WWOX: variants seen among roughly 807,000 people sequenced by gnomAD.
WWOX encodes the protein WW domain containing oxidoreductase.
WWOX carries 69 observed loss-of-function variants against 46.2 expected under a neutral mutation model. The observed-to-expected ratio is 1.49, with a 90% CI of 1.23 to 1.82. The LOEUF (loss-of-function observed/expected upper bound fraction) is 1.82, where lower values mean the gene tolerates loss of function less well. WWOX is among the 40% of genes most tolerant of loss of function. The pLI is 0.00. For missense variants in WWOX, 919 were observed against 542.6 expected, an observed-to-expected ratio of 1.69 and a Z score of -6.89; for synonymous variants, 359 against 202.6, an observed-to-expected ratio of 1.77 and a Z score of -6.56.
intron 8 of WWOX, among the ~76,000 whole-genome samples, chr16:79,026,233 C>T (rs556993123): frequency 6.6e-6 from 1 of 151,874 alleles, no homozygotes. Context: ...CCTGTTGACA[C>T]TTCCCTTCTC....
intron 8 of WWOX, among the ~76,000 whole-genome samples, chr16:78,943,185 G>A (rs1192865931): frequency 6.6e-6 from 1 of 151,830 alleles, no homozygotes; most frequent in African/African-American, 2.4e-5. Flanking sequence ...TCTATATGAT[G>A]TACATTTCAT....
Position 78,345,143 on chromosome 16 carries a change from G to A in WWOX, c.517-41717G>A, listed in dbSNP as rs1478620998. Among the ~76,000 whole-genome samples, 4 of 118,166 alleles carry A rather than the reference G, an allele frequency of 3.4e-5. 2 individuals are homozygous for A. The highest frequency in any genetic ancestry group is 1.7e-4 in the Admixed American group (2 of 11,938). 77.5% of individuals were successfully genotyped at this position (118,166 alleles called of 152,430 possible). A position where few individuals can be genotyped will look rare whatever the true frequency, so the allele number is the denominator to read the frequency against. On this transcript the variant is annotated intron_variant, in intron 5 of 8. Transcript: ENST00000566780. ...GTGGTACTAGTATGACTGTCAAGTC[G>A]ATCAGGTGGCTGAGGAGCAGTACAT...
intron 8 of WWOX, among the ~76,000 whole-genome samples, chr16:78,866,608 C>G (rs999058974): frequency 9.2e-5 from 14 of 152,178 alleles, no homozygotes; most frequent in African/African-American, 2.9e-4. Context: ...CACCAAGGCA[C>G]TGGTGCATCC....
intron 8 of WWOX, among the ~76,000 whole-genome samples, chr16:78,928,337 G>T (rs559079012): frequency 1.0e-3 from 158 of 151,410 alleles, no homozygotes; most frequent in African/African-American, 3.7e-3. Context: ...CGAGTAGCTG[G>T]GACTACAGGC....
At chr16:79,019,681 C>G (rs957697301) in intron 8 of WWOX, among the ~76,000 whole-genome samples, 5 of 151,870 alleles carry the variant, frequency 3.3e-5, no homozygotes, top group African/African-American at 1.2e-4. Flanking sequence ...CAACCCCGGG[C>G]TCTCTAAGGG....
chr16:78,841,149 C>T (rs1176565123), intron 8 of WWOX, among the ~76,000 whole-genome samples: 1 of 152,282 alleles, frequency 6.6e-6, no homozygotes, highest in Non-Finnish European at 1.5e-5. Context: ...TGTGCTTATA[C>T]AGATACACAA....
At chr16:78,891,016 G>A (rs1158493889) in intron 8 of WWOX, 3 of 152,088 alleles carry the variant, frequency 2.0e-5, no homozygotes, top group East Asian at 3.9e-4. Flanking sequence ...TAAATCACAG[G>A]TTGCCTTTCC....
At chr16:78,306,466 C>T (rs1055999563) in intron 5 of WWOX, among the ~76,000 whole-genome samples, 11 of 152,184 alleles carry the variant, frequency 7.2e-5, no homozygotes, top group African/African-American at 2.4e-4. Flanking sequence ...GAGAGTTCAT[C>T]TGGGCACCTT....
intron 8 of WWOX, among the ~76,000 whole-genome samples, chr16:79,199,479 G>T (rs774513258): frequency 6.6e-6 from 1 of 152,174 alleles, no homozygotes; most frequent in Non-Finnish European, 1.5e-5. Context: ...GCAGGAGGCC[G>T]CCAGGTGGCA....
At chr16:78,971,550 G>A (rs1037395878) in intron 8 of WWOX, among the ~76,000 whole-genome samples, 3 of 151,772 alleles carry the variant, frequency 2.0e-5, no homozygotes, top group African/African-American at 7.3e-5. Flanking sequence ...GCACTCTAAT[G>A]GATCCCTGAC....
intron 8 of WWOX, among the ~76,000 whole-genome samples, chr16:78,757,722 T>C (rs951863098): frequency 6.6e-6 from 1 of 151,882 alleles, no homozygotes; most frequent in Non-Finnish European, 1.5e-5. Context: ...TTTTTATTTA[T>C]TTATATAAGT....
intron 8 of WWOX, among the ~76,000 whole-genome samples, chr16:78,904,567 C>G (rs956199029): frequency 2.6e-5 from 4 of 152,062 alleles, no homozygotes; most frequent in Non-Finnish European, 4.4e-5. Flanking sequence ...GGCATGGTCA[C>G]TGGAAATGTA....
chr16:79,094,906 G>C (rs143858305), intron 8 of WWOX, among the ~76,000 whole-genome samples: 1 of 152,094 alleles, frequency 6.6e-6, no homozygotes, highest in Non-Finnish European at 1.5e-5. Context: ...GATCAGCGTC[G>C]TGGGCGATTT....
rs902320528 is a variant in WWOX, at chr16:79,165,830, G to A, written c.1057-45778G>A. On this transcript the variant is annotated intron_variant, in intron 8 of 8. Transcript: ENST00000566780. Reference sequence around the variant, plus strand: ...CCTGAACAAATTACATCCCTCACTCGGTCGCCGAACCGGGAACAGGGTTAT... The same window carrying A: ...CCTGAACAAATTACATCCCTCACTCAGTCGCCGAACCGGGAACAGGGTTAT... Among the ~76,000 whole-genome samples, 8 of 152,066 alleles carry A rather than the reference G, an allele frequency of 5.3e-5. No homozygotes were observed. In the East Asian group the frequency reaches 7.7e-4, roughly 15 times the overall value.
chr16:78,656,670 G>A lies in WWOX; in HGVS notation c.1056+223918G>A, dbSNP rs527670133. Among the ~76,000 whole-genome samples the A allele has an allele frequency of 7.2e-5, 11 of 152,270 alleles. No individual in the cohort carries two copies. The South Asian group carries it at 2.1e-3, about 29-fold the overall frequency. ...CCCTCCTCCAACATTGGGGATTGCA[G>A]TTTGATGTGAAATTTTGGCTGGGAC... On this transcript the variant is annotated intron_variant, in intron 8 of 8. Transcript: ENST00000566780.
chr16:78,784,785 C>G (rs11859768), intron 8 of WWOX, among the ~76,000 whole-genome samples: 5 of 152,084 alleles, frequency 3.3e-5, no homozygotes, highest in Non-Finnish European at 1.5e-5. Flanking sequence ...CAGCTCCTGA[C>G]CTTCATAATA....
chr16:78,600,794 C>T (rs1242285358), intron 8 of WWOX, among the ~76,000 whole-genome samples: 2 of 152,164 alleles, frequency 1.3e-5, no homozygotes, highest in Non-Finnish European at 2.9e-5. Context: ...CTTGGGAGTG[C>T]TCAACCCTTT....
Position 79,140,607 on chromosome 16 carries a change from C to T in WWOX, c.1057-71001C>T, listed in dbSNP as rs112880744. Among the ~76,000 whole-genome samples, 955 of 152,326 alleles carry T rather than the reference C, an allele frequency of 6.3e-3. 8 individuals carry two copies. Among genetic ancestry groups the T allele is most frequent in the African/African-American group, 0.022 (899 of 41,576 alleles). On this transcript the variant is annotated intron_variant, in intron 8 of 8. Coordinates refer to ENST00000566780, the MANE Select transcript of WWOX (RefSeq NM_016373.4). The stretch of plus-strand genomic sequence containing the variant: ...CGCATGAAGGGTGGGTGCCCTGAGG[C>T]AGGCAAGCCACCAGGTGGTAATTAA...
At chr16:79,201,298 C>A (rs2051345176) in intron 8 of WWOX, among the ~76,000 whole-genome samples, 1 of 151,914 alleles carries the variant, frequency 6.6e-6, no homozygotes, top group South Asian at 2.1e-4. Flanking sequence ...TTAGAAAGGG[C>A]CTCTCCCTTC....
Sources: gnomAD v4.1 joint callset for allele counts (sites outside exome capture counted in the v4.1 genomes callset) on GRCh38, gnomAD v4.1.1 for gene constraint, MANE v1.5 for transcripts, NCBI Gene and HGNC (gene_info 2026-07-23, HGNC 2026-07-21) for gene names.